SLC24A3: variants seen among roughly 807,000 people sequenced by gnomAD.
The protein encoded by SLC24A3 is sodium/potassium/calcium exchanger 3.
A neutral mutation model predicts 75.8 loss-of-function variants in SLC24A3; 28 were observed. The observed-to-expected ratio is 0.37, with a 90% CI of 0.27 to 0.51. SLC24A3 has a LOEUF of 0.51. Among genes scored for constraint, SLC24A3 ranks in the 20% least tolerant of loss-of-function variants. The probability of loss-of-function intolerance (pLI) is 0.94; values close to 1 mark genes in which losing one functional copy is unlikely to be tolerated. For missense variants in SLC24A3, 663 were observed against 847.8 expected (o/e 0.78, Z 2.71); for synonymous variants, 372 against 334.1 (o/e 1.11, Z -1.24).
intron 3 of SLC24A3, among the ~76,000 whole-genome samples, chr20:19,558,694 C>T (rs1201096791): frequency 1.3e-5 from 2 of 152,240 alleles, no homozygotes; most frequent in East Asian, 1.9e-4. Context: ...ACCACAGTGA[C>T]GTTGTACAGC....
rs145658374 is a variant in SLC24A3, at chr20:19,654,127, G to A, written c.678G>A (p.Ala226=). 4.2e-5 allele frequency: 67 copies of A among 1,613,626 alleles called. No individual in the cohort carries two copies. The African/African-American group carries it at 6.0e-4, about 14-fold the overall frequency. Reference sequence around the variant, plus strand: ...TTTACTACACGCTGTCTGTGATCGCGCTCATCGTGGTGAGTCACTCTGGCC... The same window carrying A: ...TTTACTACACGCTGTCTGTGATCGCACTCATCGTGGTGAGTCACTCTGGCC... The part of the protein sequence containing the change: ...DSIYYTLSVI[A]LIVFIYDEKV... Residue 226 remains alanine, a synonymous_variant, in exon 7 of 17, where the codon GCG becomes GCA. Transcript: ENST00000328041.
intron 8 of SLC24A3, 40 bp downstream of exon 8, chr20:19,665,929 T>C (rs1420114619): frequency 6.2e-7 from 1 of 1,603,418 alleles, no homozygotes; most frequent in Non-Finnish European, 8.5e-7. Context: ...CTGAATGTTA[T>C]GTTGCAGAGC....
chr20:19,239,497 A>C (rs1246872467), intron 1 of SLC24A3, among the ~76,000 whole-genome samples: 1 of 152,202 alleles, frequency 6.6e-6, no homozygotes, highest in Non-Finnish European at 1.5e-5. Flanking sequence ...CACAAGAGGC[A>C]CTGGGTGCTG....
At chr20:19,634,929 A>C (rs1393559016) in intron 6 of SLC24A3, among the ~76,000 whole-genome samples, 1 of 152,274 alleles carries the variant, frequency 6.6e-6, no homozygotes, top group Non-Finnish European at 1.5e-5. Context: ...CCATCCAACC[A>C]AGATAGAAGA....
At chr20:19,587,668 G>A (rs548116879) in intron 6 of SLC24A3, among the ~76,000 whole-genome samples, 2 of 152,316 alleles carry the variant, frequency 1.3e-5, no homozygotes, top group East Asian at 3.9e-4. Flanking sequence ...ATGGGCTGGG[G>A]AATCAGACGG....
At chr20:19,620,635 C>T (rs6046210) in intron 6 of SLC24A3, among the ~76,000 whole-genome samples, 2,242 of 152,266 alleles carry the variant, frequency 0.015, 60 homozygotes, top group African/African-American at 0.051. Flanking sequence ...TAAGGCCCCA[C>T]CTGCTGGGAC....
rs963171289 is a variant in SLC24A3, at chr20:19,446,029, A to G, written c.272-69459A>G. Among the ~76,000 whole-genome samples the G allele has an allele frequency of 3.9e-5, 6 of 152,274 alleles. 1 individual carries two copies. The highest frequency in any genetic ancestry group is 1.4e-4 in the African/African-American group (6 of 41,552). ...TTGTTACCTTTATCTTCATTGTCCA[A>G]ATGAGGCCCGTAGGGGTTCACTCCT... is the stretch of plus-strand genomic sequence containing the variant. On this transcript the variant is annotated intron_variant, in intron 2 of 16. Coordinates refer to ENST00000328041, the MANE Select transcript of SLC24A3 (RefSeq NM_020689.4).
At chr20:19,460,215 G>T (rs1443546674) in intron 2 of SLC24A3, among the ~76,000 whole-genome samples, 1 of 152,104 alleles carries the variant, frequency 6.6e-6, no homozygotes, top group African/African-American at 2.4e-5. Flanking sequence ...TGCGCACCAG[G>T]TACTTCAGGC....
chr20:19,260,342 A>G (rs73124849), intron 1 of SLC24A3, among the ~76,000 whole-genome samples: 2 of 152,332 alleles, frequency 1.3e-5, no homozygotes, highest in Non-Finnish European at 2.9e-5. Flanking sequence ...AAGCTGTTGT[A>G]AGGTTAAGTA....
chr20:19,523,529 A>G (rs1219402632), intron 3 of SLC24A3, among the ~76,000 whole-genome samples: 1 of 152,230 alleles, frequency 6.6e-6, no homozygotes, highest in African/African-American at 2.4e-5. Flanking sequence ...GACTTAATTC[A>G]GAAGGTCCAG....
At chr20:19,383,929 A>G (rs1986226728) in intron 2 of SLC24A3, among the ~76,000 whole-genome samples, 2 of 152,198 alleles carry the variant, frequency 1.3e-5, no homozygotes, top group Admixed American at 6.5e-5. Context: ...GGGATTAGCG[A>G]TTCAATTGTG....
chr20:19,353,129 G>A lies in SLC24A3; in HGVS notation c.271+72042G>A, dbSNP rs748061990. ...ATAGTAGGCTATACTAGCTAGGTTT[G>A]TGTAAGTATGCTCTATGATGTTCGA... On this transcript the variant is annotated intron_variant, in intron 2 of 16. Transcript: ENST00000328041. 6.4e-4 allele frequency among the ~76,000 whole-genome samples: 98 copies of A among 152,194 alleles called. 2 individuals are homozygous for A. Among genetic ancestry groups the A allele is most frequent in the Non-Finnish European group, 6.0e-4 (41 of 68,024 alleles).
chr20:19,644,449 A>C (rs1600318290), intron 6 of SLC24A3, among the ~76,000 whole-genome samples: 2 of 152,134 alleles, frequency 1.3e-5, no homozygotes, highest in Admixed American at 1.3e-4. Context: ...GGCGATGCTG[A>C]TACCACTGTC....
At chr20:19,224,788 C>T (rs1009239458) in intron 1 of SLC24A3, among the ~76,000 whole-genome samples, 10 of 152,104 alleles carry the variant, frequency 6.6e-5, no homozygotes, top group Non-Finnish European at 1.2e-4. Flanking sequence ...GGAACCCAGG[C>T]TTTCTGATTC....
Position 19,226,811 on chromosome 20 carries a change from C to T in SLC24A3, c.142+13827C>T, listed in dbSNP as rs190285531. Among the ~76,000 whole-genome samples the T allele has an allele frequency of 5.9e-4, 90 of 152,300 alleles. 1 individual carries two copies. The highest frequency in any genetic ancestry group is 1.6e-3 in the African/African-American group (68 of 41,558). On this transcript the variant is annotated intron_variant, in intron 1 of 16. Coordinates refer to ENST00000328041, the MANE Select transcript of SLC24A3 (RefSeq NM_020689.4). ...TGGTCAAGTAGAATTTGAATCCAGG[C>T]AGTCTGATTCCACATCCTGTGGTCT...
chr20:19,314,715 C>A (rs1171956746), intron 2 of SLC24A3, among the ~76,000 whole-genome samples: 2 of 152,344 alleles, frequency 1.3e-5, no homozygotes, highest in Admixed American at 6.5e-5. Flanking sequence ...CATCAGGCAG[C>A]CTGTAACTCC....
chr20:19,435,320 A>G (rs1382973719), intron 2 of SLC24A3, among the ~76,000 whole-genome samples: 1 of 152,244 alleles, frequency 6.6e-6, no homozygotes, highest in African/African-American at 2.4e-5. Flanking sequence ...CCCATGCAAG[A>G]ACCTGCCATC....
chr20:19,237,462 C>A (rs1982196589), intron 1 of SLC24A3, among the ~76,000 whole-genome samples: 1 of 152,192 alleles, frequency 6.6e-6, no homozygotes, highest in African/African-American at 2.4e-5. Flanking sequence ...TCATGGGAAT[C>A]TGTGCTTTGT....
chr20:19,512,478 G>A (rs2029901534), intron 2 of SLC24A3, among the ~76,000 whole-genome samples: 1 of 152,198 alleles, frequency 6.6e-6, no homozygotes, highest in African/African-American at 2.4e-5. Flanking sequence ...GGAGACCCCT[G>A]ACAAGAAACC....
Sources: allele counts gnomAD v4.1 joint callset (sites outside exome capture counted in the v4.1 genomes callset), GRCh38; gene constraint gnomAD v4.1.1; transcripts MANE v1.5; gene names NCBI Gene and HGNC (gene_info 2026-07-23, HGNC 2026-07-21).